Variants in ZFHX3 observed in about 807,000 individuals in gnomAD.
ZFHX3 encodes zinc finger homeobox 3, also known as zinc finger homeobox protein 3.
ZFHX3 carries 42 observed loss-of-function variants against 279.1 expected under a neutral mutation model. The observed-to-expected ratio is 0.15, with a 90% confidence interval of 0.12 to 0.19. The LOEUF (loss-of-function observed/expected upper bound fraction) is 0.19. Ranked by LOEUF, ZFHX3 falls within the 10% of genes least tolerant of loss-of-function variation. The probability of loss-of-function intolerance (pLI) is 1.00; values close to 1 mark genes in which losing one functional copy is unlikely to be tolerated. For synonymous variants in ZFHX3, 2,293 were observed against 1,957.8 expected, an observed-to-expected ratio of 1.17 and a Z score of -4.52; for missense variants, 4,981 against 4,754.0, an observed-to-expected ratio of 1.05 and a Z score of -1.40.
chr16:72,899,480 C>T (rs935511898), intron 3 of ZFHX3, among the ~76,000 whole-genome samples: 6 of 152,180 alleles, frequency 3.9e-5, no homozygotes, highest in Admixed American at 1.3e-4. Flanking sequence ...TCAATTAAAC[C>T]TCTTTCCTTT....
At chr16:73,852,977 C>A (rs889239474) in intron 1 of ZFHX3, among the ~76,000 whole-genome samples, 3 of 151,900 alleles carry the variant, frequency 2.0e-5, no homozygotes, top group Non-Finnish European at 4.4e-5. Context: ...AACAAACAAA[C>A]AAACAAACAA....
chr16:73,309,017 G>T (rs888937468), intron 4 of ZFHX3, among the ~76,000 whole-genome samples: 1 of 152,050 alleles, frequency 6.6e-6, no homozygotes, highest in Non-Finnish European at 1.5e-5. Context: ...ACAAGAAAGG[G>T]TGTTCCAAGA....
At chr16:73,199,773 G>T (rs1051571903) in intron 5 of ZFHX3, among the ~76,000 whole-genome samples, 1 of 152,196 alleles carries the variant, frequency 6.6e-6, no homozygotes, top group Non-Finnish European at 1.5e-5. Context: ...AGTCCTCCAG[G>T]TGCTACAGTG....
chr16:73,350,268 C>G (rs1452845840), intron 3 of ZFHX3, among the ~76,000 whole-genome samples: 1 of 152,132 alleles, frequency 6.6e-6, no homozygotes, highest in East Asian at 1.9e-4. Context: ...GAGGGAGCAG[C>G]CTGATGATAG....
chr16:73,619,056 T>C (rs1260941702), intron 2 of ZFHX3, among the ~76,000 whole-genome samples: 1 of 152,162 alleles, frequency 6.6e-6, no homozygotes, highest in Non-Finnish European at 1.5e-5. Context: ...CTCATATCAA[T>C]GGGTGTTTAA....
At chr16:72,811,827 C>G (rs9972696) in intron 6 of ZFHX3, 50 bp from the exon 7 acceptor site, 24 of 1,596,728 alleles carry the variant, frequency 1.5e-5, no homozygotes, top group Non-Finnish European at 2.1e-5. Flanking sequence ...GCCCCAAGCC[C>G]GCCCACCCAA....
At chr16:72,943,353 G>A (rs1960503105) in intron 3 of ZFHX3, among the ~76,000 whole-genome samples, 1 of 152,106 alleles carries the variant, frequency 6.6e-6, no homozygotes, top group Admixed American at 6.5e-5. Context: ...GGCCACCATG[G>A]CAAAACCCCA....
chr16:73,279,000 G>T (rs2014387724), intron 4 of ZFHX3, among the ~76,000 whole-genome samples: 1 of 152,206 alleles, frequency 6.6e-6, no homozygotes, highest in Admixed American at 6.5e-5. Context: ...CTACTACTAA[G>T]TGGGGGGCAT....
rs369370391 is a variant in ZFHX3 at position 73,891,055 on chromosome 16, G to T, written c.-1608+596C>A. Among the ~76,000 whole-genome samples the T allele has an allele frequency of 8.3e-5, 11 of 133,292 alleles. No individual in the cohort carries two copies. In the East Asian group the frequency reaches 2.0e-3, roughly 24 times the overall value. The allele number at this position is 133,292 out of a possible 152,430, so 87.4% of individuals were successfully genotyped here. On this transcript the variant is annotated intron_variant, in intron 1 of 17. Transcript: ENST00000641206. ...CCACCTCACCCCCGCTCAGAGAAGT[G>T]ATCACATTTAATTCATTGCATCATT... is the stretch of plus-strand genomic sequence containing the variant.
chr16:73,356,342 C>A (rs1206682429), intron 3 of ZFHX3, among the ~76,000 whole-genome samples: 3 of 152,074 alleles, frequency 2.0e-5, no homozygotes, highest in Admixed American at 2.0e-4. Flanking sequence ...ATGTACAGCC[C>A]CACGGGTCAC....
intron 3 of ZFHX3, among the ~76,000 whole-genome samples, chr16:73,365,575 G>A (rs1180361908): frequency 6.6e-6 from 1 of 152,208 alleles, no homozygotes; most frequent in South Asian, 2.1e-4. Context: ...GTGCAGCTGA[G>A]ACTTGGCTTG....
intron 7 of ZFHX3, among the ~76,000 whole-genome samples, chr16:73,111,803 T>C (rs1179360998): frequency 6.6e-6 from 1 of 152,052 alleles, no homozygotes; most frequent in Non-Finnish European, 1.5e-5. Context: ...CCTAACACAT[T>C]CTAAACCCTT....
intron 2 of ZFHX3, among the ~76,000 whole-genome samples, chr16:73,556,333 A>G (rs927833831): frequency 1.6e-4 from 24 of 152,188 alleles, no homozygotes; most frequent in Admixed American, 7.2e-4. Context: ...GGGGTGGCGG[A>G]AGAAACAGGG....
chr16:72,912,132 A>G (rs2039334034), intron 3 of ZFHX3, among the ~76,000 whole-genome samples: 1 of 152,230 alleles, frequency 6.6e-6, no homozygotes, highest in Non-Finnish European at 1.5e-5. Context: ...CAGCATGGCC[A>G]TGCAGCCCAG....
chr16:73,275,138 A>G lies in ZFHX3; in HGVS notation c.-1193-18002T>C, dbSNP rs568325929. Reference sequence around the variant, plus strand: ...GTTGCCATTTCCTGTTTCGGGACAGAGAGTCTAGAGGTCCCTGGCTTTAGT... The same window carrying G: ...GTTGCCATTTCCTGTTTCGGGACAGGGAGTCTAGAGGTCCCTGGCTTTAGT... On this transcript the variant is annotated intron_variant, in intron 4 of 17. Transcript: ENST00000641206. Among the ~76,000 whole-genome samples, 148 of 152,328 alleles carry G rather than the reference A, an allele frequency of 9.7e-4. 1 individual carries two copies. Among genetic ancestry groups the G allele is most frequent in the African/African-American group, 3.3e-3 (139 of 41,572 alleles).
At chr16:73,498,695 A>G (rs984621549) in intron 2 of ZFHX3, among the ~76,000 whole-genome samples, 1 of 152,186 alleles carries the variant, frequency 6.6e-6, no homozygotes, top group Non-Finnish European at 1.5e-5. Flanking sequence ...AGGGAGCAGG[A>G]TTGGGTAGCA....
chr16:73,835,485 T>TTC (rs1279195833), intron 1 of ZFHX3, among the ~76,000 whole-genome samples: 3 of 143,922 alleles, frequency 2.1e-5, no homozygotes, highest in Non-Finnish European at 4.5e-5. Flanking sequence ...TTTTTTTTTT[T>TTC]TTGAGATGGA....
chr16:73,252,505 G>C (rs549756452), intron 5 of ZFHX3, among the ~76,000 whole-genome samples: 53 of 152,298 alleles, frequency 3.5e-4, no homozygotes, highest in Admixed American at 6.5e-4. Flanking sequence ...GGGAGAAGAA[G>C]GGAATATGGG....
intron 2 of ZFHX3, among the ~76,000 whole-genome samples, chr16:73,550,045 C>G (rs896418065): frequency 4.6e-5 from 7 of 151,690 alleles, no homozygotes; most frequent in African/African-American, 1.7e-4. Flanking sequence ...GTGGGAGGTG[C>G]GAAGGGTGGA....
Sources: gnomAD v4.1 joint callset for allele counts (sites outside exome capture counted in the v4.1 genomes callset) on GRCh38, gnomAD v4.1.1 for gene constraint, MANE v1.5 for transcripts, NCBI Gene and HGNC (gene_info 2026-07-23, HGNC 2026-07-21) for gene names.